LIPH: variants seen among roughly 807,000 people sequenced by gnomAD.
LIPH encodes lipase H, also known as lipase member H.
LIPH carries 32 observed loss-of-function variants against 47.6 expected under a neutral mutation model. The observed-to-expected ratio is 0.67, with a 90% confidence interval of 0.51 to 0.90. The LOEUF (loss-of-function observed/expected upper bound fraction) is 0.90. Ranked by LOEUF, LIPH falls within the 40% of genes least tolerant of loss-of-function variation. LIPH has a pLI of 0.00. For synonymous variants in LIPH, 190 were observed against 195.6 expected, an observed-to-expected ratio of 0.97 and a Z score of 0.24; for missense variants, 497 against 541.4, an observed-to-expected ratio of 0.92 and a Z score of 0.81.
At chr3:185,522,984 C>T (rs575419396) in intron 5 of LIPH, among the ~76,000 whole-genome samples, 2 of 152,282 alleles carry the variant, frequency 1.3e-5, no homozygotes, top group East Asian at 3.9e-4. Context: ...TTTGTCTTTT[C>T]ACTTATCACA....
chr3:185,532,005 A>G (rs983107439), intron 3 of LIPH, among the ~76,000 whole-genome samples: 2 of 151,546 alleles, frequency 1.3e-5, no homozygotes, highest in African/African-American at 4.8e-5. Flanking sequence ...GCACCCAGCC[A>G]AAGAGCTTTT....
chr3:185,519,576 C>A (rs1395717229), intron 5 of LIPH, among the ~76,000 whole-genome samples: 1 of 152,056 alleles, frequency 6.6e-6, no homozygotes, highest in African/African-American at 2.4e-5. Context: ...TGGCTCACGC[C>A]TGTAATCCCA....
At chr3:185,515,160 A>AC (rs1719687336) in intron 7 of LIPH, among the ~76,000 whole-genome samples, 1 of 152,054 alleles carries the variant, frequency 6.6e-6, no homozygotes, top group African/African-American at 2.4e-5. Flanking sequence ...TATTCAGCAC[A>AC]CTTTCCTGTA....
At chr3:185,510,991 C>T (rs1042576915) in intron 9 of LIPH, among the ~76,000 whole-genome samples, 10 of 152,170 alleles carry the variant, frequency 6.6e-5, no homozygotes, top group African/African-American at 9.7e-5. Context: ...ACCTTATCTA[C>T]CTTTAAGTAC....
At chr3:185,520,690 C>T (rs1286113359) in intron 5 of LIPH, among the ~76,000 whole-genome samples, 1 of 152,014 alleles carries the variant, frequency 6.6e-6, no homozygotes, top group Admixed American at 6.6e-5. Context: ...TCAAACCAGG[C>T]ACAAAAATCG....
chr3:185,528,323 G>GAAGAAAGAAAGAAAGA (rs11457702), intron 3 of LIPH, among the ~76,000 whole-genome samples: 35,642 of 125,330 alleles, frequency 0.28, 5,859 homozygotes, highest in Non-Finnish European at 0.3. Context: ...AAGAAAGAAA[G>GAAGAAAGAAAGAAAGA]AAGAAAGAAA....
chr3:185,533,717 G>A (rs1053076698), intron 2 of LIPH, 38 bp from the exon 3 acceptor site: 1 of 1,315,590 alleles, frequency 7.6e-7, no homozygotes, highest in South Asian at 1.2e-5. Flanking sequence ...AAATTGTAAG[G>A]GGCCAAGGAA....
In LIPH at chr3:185,520,440, C is replaced by T. The variant is rs150077799; in HGVS notation, c.719-1131G>A. Among the ~76,000 whole-genome samples, 1,183 of 151,926 alleles carry T rather than the reference C, an allele frequency of 7.8e-3. 15 individuals carry two copies. Among genetic ancestry groups the T allele is most frequent in the African/African-American group, 0.027 (1,130 of 41,424 alleles). ...GCTGAGGCAGGAGAATCGCTTGAAC[C>T]TGGAAGGCGGAGGTTGCAGTGAGCC... is the stretch of plus-strand genomic sequence containing the variant. On this transcript the variant is annotated intron_variant, in intron 5 of 9. Coordinates refer to ENST00000296252, the MANE Select transcript of LIPH (RefSeq NM_139248.3).
chr3:185,535,247 A>T, intron 1 of LIPH, 115 bp from the exon 2 acceptor site: 1 of 1,248,340 alleles, frequency 8.0e-7, no homozygotes, highest in African/African-American at 1.5e-5. Flanking sequence ...GGACCTGGCT[A>T]AGGGCTGGAT....
At chr3:185,526,550 A>G (rs1351461461) in intron 4 of LIPH, among the ~76,000 whole-genome samples, 1 of 139,966 alleles carries the variant, frequency 7.1e-6, no homozygotes, top group Admixed American at 7.6e-5. Flanking sequence ...AAAATAAAAT[A>G]AGATAAGATA....
chr3:185,534,224 C>T (rs578170135), intron 2 of LIPH, among the ~76,000 whole-genome samples: 2 of 152,024 alleles, frequency 1.3e-5, no homozygotes, highest in East Asian at 1.9e-4. Context: ...GGCATGGTGG[C>T]GTGTACCTGT....
chr3:185,552,311 G>T, intron 1 of LIPH, 112 bp downstream of exon 1: 3 of 655,834 alleles, frequency 4.6e-6, no homozygotes, highest in Non-Finnish European at 2.8e-6. Flanking sequence ...CCTTAAAAAC[G>T]ACTCTATGGA....
chr3:185,544,040 AG>A (rs906796504), intron 1 of LIPH, among the ~76,000 whole-genome samples: 4 of 151,896 alleles, frequency 2.6e-5, no homozygotes, highest in African/African-American at 9.7e-5. Context: ...TAGTAGAGAC[AG>A]GGTTTCACTG....
At position 185,529,906 on chromosome 3, in the gene LIPH, A is replaced by AAAAGAAAGAAAGAAAG. The variant is rs1180211034; in HGVS notation, c.527-2337_527-2322dup. 3.8e-3 allele frequency among the ~76,000 whole-genome samples: 465 copies of AAAAGAAAGAAAGAAAG among 122,708 alleles called. 4 individuals are homozygous for AAAAGAAAGAAAGAAAG. The highest frequency in any genetic ancestry group is 0.011 in the African/African-American group (346 of 30,962). The allele number at this position is 122,708 out of a possible 152,430, so 80.5% of individuals were successfully genotyped here. ...AAGAGAGAGAGAGAAAGAGAGAAAG[A>AAAAGAAAGAAAGAAAG]AAAGAAAGAAAGAAAGAAAGAAAGA... On this transcript the variant is annotated intron_variant, in intron 3 of 9. Coordinates refer to ENST00000296252, the MANE Select transcript of LIPH (RefSeq NM_139248.3).
intron 1 of LIPH, among the ~76,000 whole-genome samples, chr3:185,537,048 C>A (rs1238465783): frequency 6.6e-6 from 1 of 152,194 alleles, no homozygotes; most frequent in African/African-American, 2.4e-5. Context: ...CCATGCCCAG[C>A]TAATTTTTGT....
intron 5 of LIPH, among the ~76,000 whole-genome samples, chr3:185,522,407 G>T (rs893001054): frequency 1.9e-4 from 29 of 151,886 alleles, no homozygotes; most frequent in African/African-American, 6.1e-4. Context: ...ACTTTGGGAG[G>T]CCAAGGCAGG....
intron 9 of LIPH, among the ~76,000 whole-genome samples, chr3:185,509,474 C>T (rs982674183): frequency 6.7e-6 from 1 of 150,012 alleles, no homozygotes; most frequent in Non-Finnish European, 1.5e-5. Context: ...ACTAAAAATA[C>T]AAAAAATTAG....
At chr3:185,518,446 A>T (rs1195058747) in intron 6 of LIPH, among the ~76,000 whole-genome samples, 2 of 151,662 alleles carry the variant, frequency 1.3e-5, no homozygotes, top group Non-Finnish European at 2.9e-5. Context: ...TGCCCAGCTA[A>T]TTTTTTTGTA....
chr3:185,536,322 G>T (rs532518307), intron 1 of LIPH, among the ~76,000 whole-genome samples: 199 of 152,088 alleles, frequency 1.3e-3, no homozygotes, highest in African/African-American at 3.8e-3. Context: ...AAGAGGCAAG[G>T]CACTACCGAT....
Sources: allele counts gnomAD v4.1 joint callset (sites outside exome capture counted in the v4.1 genomes callset), GRCh38; gene constraint gnomAD v4.1.1; transcripts MANE v1.5; gene names NCBI Gene and HGNC (gene_info 2026-07-23, HGNC 2026-07-21).